The following PLCG2 variants were observed in gnomAD, a reference collection of about 807,000 sequenced individuals.
The protein encoded by PLCG2 is 1-phosphatidylinositol 4,5-bisphosphate phosphodiesterase gamma-2.
A neutral mutation model predicts 175.6 loss-of-function variants in PLCG2; 69 were observed. The observed-to-expected ratio is 0.39, with a 90% CI of 0.32 to 0.48. The LOEUF is 0.48. Among genes scored for constraint, PLCG2 ranks in the 20% least tolerant of loss-of-function variants. The pLI, the probability that PLCG2 is intolerant of heterozygous loss-of-function variation, is 0.91. For missense variants in PLCG2, 1,798 were observed against 1,650.9 expected (o/e 1.09, Z -1.54); for synonymous variants, 827 against 624.0 (o/e 1.33, Z -4.85).
intron 2 of PLCG2, among the ~76,000 whole-genome samples, chr16:81,823,229 C>T (rs992694909): frequency 2.0e-5 from 3 of 152,200 alleles, no homozygotes; most frequent in Admixed American, 1.3e-4. Context: ...TCTGGCTTCC[C>T]CGGGGCTTTA....
At chr16:81,879,836 G>C (rs1374143751) in intron 7 of PLCG2, among the ~76,000 whole-genome samples, 2 of 152,198 alleles carry the variant, frequency 1.3e-5, no homozygotes, top group Non-Finnish European at 2.9e-5. Flanking sequence ...GCCCCCCTTG[G>C]TGGAAGAGCC....
chr16:81,785,684 G>C (rs1052056036), intron 1 of PLCG2: 12 of 264,464 alleles, frequency 4.5e-5, no homozygotes, highest in African/African-American at 2.7e-4. Context: ...TGCCAGGTCA[G>C]GGTGATTTGG....
intron 24 of PLCG2, among the ~76,000 whole-genome samples, chr16:81,929,555 C>G (rs1910416311): frequency 6.6e-6 from 1 of 152,156 alleles, no homozygotes; most frequent in Admixed American, 6.5e-5. Context: ...GCCACCGTGC[C>G]TGGCTAATTT....
chr16:81,955,421 T>G (rs528460334), intron 31 of PLCG2, among the ~76,000 whole-genome samples: 1 of 152,174 alleles, frequency 6.6e-6, no homozygotes, highest in South Asian at 2.1e-4. Flanking sequence ...CTTCACAGAG[T>G]AGTCAGGGAT....
rs1471322115 is a variant in PLCG2, at chr16:81,958,208, C to T, written c.*210C>T. The T allele has an allele frequency of 1.7e-6, 1 of 575,178 alleles. No individual in the cohort carries two copies. Among genetic ancestry groups the T allele is most frequent in the Non-Finnish European group, 3.2e-6 (1 of 315,728 alleles). The allele number at this position is 575,178 out of a possible 1,614,324, so 35.6% of individuals were successfully genotyped here. ...TTGGACAACTTTCTTAACTTATATT[C>T]TTTATAGAGGATTCCCCAAAATGTG... On this transcript the variant is annotated 3_prime_UTR_variant, in exon 33 of 33. Coordinates refer to ENST00000564138, the MANE Select transcript of PLCG2 (RefSeq NM_002661.5).
rs1453041391 is a variant in PLCG2, at chr16:81,805,175, AC to A, written c.193+18996del. Among the ~76,000 whole-genome samples the A allele has an allele frequency of 6.6e-5, 10 of 152,240 alleles. 1 individual carries two copies. The highest frequency in any genetic ancestry group is 2.4e-4 in the African/African-American group (10 of 41,544). On this transcript the variant is annotated intron_variant, in intron 2 of 32. Coordinates refer to ENST00000564138, the MANE Select transcript of PLCG2 (RefSeq NM_002661.5). ...TTTATGAAACAAGAGCTGATAAAGG[AC>A]CCATATCCAAAATAGGCAACTCTTA...
Position 81,910,803 on chromosome 16 carries a change from C to G in PLCG2, c.1934+83C>G, listed in dbSNP as rs542613562. On this transcript the variant is annotated intron_variant, in intron 18 of 32. Coordinates refer to ENST00000564138, the MANE Select transcript of PLCG2 (RefSeq NM_002661.5). Reference sequence around the variant, plus strand: ...AGAGAAGCTGGCCTGGTGGTTCAGCCGGGCCAGTCCCCCAGGACACCCTCT... The same window carrying G: ...AGAGAAGCTGGCCTGGTGGTTCAGCGGGGCCAGTCCCCCAGGACACCCTCT... The G allele has an allele frequency of 2.3e-6, 3 of 1,321,050 alleles. No homozygotes were observed. The Admixed American group carries it at 5.1e-5, about 22-fold the overall frequency. 81.8% of individuals were successfully genotyped at this position (1,321,050 alleles called of 1,614,324 possible). A position where few individuals can be genotyped will look rare whatever the true frequency, so the allele number is the denominator to read the frequency against.
At position 81,923,554 on chromosome 16, in the gene PLCG2, G is replaced by A; in HGVS notation, c.2377G>A (p.Gly793Ser). The change falls in exon 22 of 33, where the codon GGT becomes AGT. Residue 793 changes from glycine (G) to serine (S), a missense_variant. Coordinates refer to ENST00000564138, the MANE Select transcript of PLCG2 (RefSeq NM_002661.5). ...KRSDELSFCR[G>S]ALIHNVSKEP... Reference sequence around the variant, plus strand: ...AAGCGATGAGCTGAGCTTCTGCCGTGGTGCCCTCATCCACAATGTCTCCAA... The same window carrying A: ...AAGCGATGAGCTGAGCTTCTGCCGTAGTGCCCTCATCCACAATGTCTCCAA... 1 of 1,613,666 alleles carries A rather than the reference G, an allele frequency of 6.2e-7. No individual in the cohort carries two copies. Among genetic ancestry groups the A allele is most frequent in the Non-Finnish European group, 8.5e-7 (1 of 1,179,680 alleles).
rs940363915 is a variant in PLCG2, at chr16:81,960,539, A to G, written c.*2541A>G. ...TGTGAGTTTGGGAAACTTAGGTTATAAAAACTAAATAAAGTTTTTCTACTG... is the reference window on the plus strand; with the variant it reads ...TGTGAGTTTGGGAAACTTAGGTTATGAAAACTAAATAAAGTTTTTCTACTG... On this transcript the variant is annotated 3_prime_UTR_variant, in exon 33 of 33. Transcript: ENST00000564138. 4.3e-6 allele frequency: 1 copy of G among 231,692 alleles called. No individual in the cohort carries two copies. The highest frequency in any genetic ancestry group is 6.1e-5 in the East Asian group (1 of 16,346). 14.4% of individuals were successfully genotyped at this position (231,692 alleles called of 1,614,324 possible).
chr16:81,740,560 C>G (rs1909567956), intron 1 of PLCG2: 1 of 151,622 alleles, frequency 6.6e-6, no homozygotes, highest in South Asian at 2.1e-4. Flanking sequence ...GGGTGAAACC[C>G]CATCTCTAAT....
At chr16:81,759,384 T>A (rs1432598128) in intron 2 of PLCG2, among the ~76,000 whole-genome samples, 1 of 152,250 alleles carries the variant, frequency 6.6e-6, no homozygotes, top group African/African-American at 2.4e-5. Flanking sequence ...ATATTTAATC[T>A]TTTTTATTTC....
At chr16:81,850,910 C>T (rs530546906) in intron 2 of PLCG2, among the ~76,000 whole-genome samples, 19 of 152,210 alleles carry the variant, frequency 1.2e-4, no homozygotes, top group African/African-American at 4.1e-4. Context: ...AGATGGGGCC[C>T]GCTTATTTTT....
chr16:81,926,963 C>G, intron 22 of PLCG2, 119 bp from the exon 23 acceptor site: 1 of 698,020 alleles, frequency 1.4e-6, no homozygotes, highest in Non-Finnish European at 2.6e-6. Flanking sequence ...ACACTGGTCA[C>G]TTGGCCACTT....
At chr16:81,793,505 C>T (rs182037993) in intron 2 of PLCG2, among the ~76,000 whole-genome samples, 6 of 152,282 alleles carry the variant, frequency 3.9e-5, no homozygotes, top group East Asian at 1.9e-4. Context: ...GGCCTGGATG[C>T]GTCCATCTCA....
At chr16:81,771,318 C>G (rs1351540071) in intron 2 of PLCG2, among the ~76,000 whole-genome samples, 1 of 152,172 alleles carries the variant, frequency 6.6e-6, no homozygotes, top group Non-Finnish European at 1.5e-5. Flanking sequence ...GCCTTAAACG[C>G]CTGTGCTCAA....
At chr16:81,861,062 C>T (rs1341801177) in intron 5 of PLCG2, among the ~76,000 whole-genome samples, 1 of 152,082 alleles carries the variant, frequency 6.6e-6, no homozygotes, top group Non-Finnish European at 1.5e-5. Context: ...AAAACCAAAA[C>T]CAAAACCAAA....
At chr16:81,786,217 C>A in intron 2 of PLCG2, 35 bp downstream of exon 2, 1 of 1,565,444 alleles carries the variant, frequency 6.4e-7, no homozygotes, top group Non-Finnish European at 8.8e-7. Flanking sequence ...TGTGGCCCGT[C>A]CTCTGGGGCC....
intron 2 of PLCG2, among the ~76,000 whole-genome samples, chr16:81,800,718 G>C (rs773338894): frequency 1.3e-5 from 2 of 152,008 alleles, no homozygotes; most frequent in African/African-American, 2.4e-5. Flanking sequence ...ATGATAGGCA[G>C]AATAAACGCT....
chr16:81,895,885 A>T lies in PLCG2; in HGVS notation c.1151A>T (p.Asp384Val), dbSNP rs752223289. The T allele has an allele frequency of 1.2e-6, 2 of 1,614,074 alleles. No homozygotes were observed. Among genetic ancestry groups the T allele is most frequent in the Admixed American group, 3.3e-5 (2 of 60,016 alleles). The change falls in exon 13 of 33, where the codon GAC becomes GTC. Residue 384 changes from aspartate (D) to valine (V), a missense_variant. Asp to Val is a radical substitution (Grantham distance 152). Coordinates refer to ENST00000564138, the MANE Select transcript of PLCG2 (RefSeq NM_002661.5). The part of the protein sequence containing the change: ...WTRTTKIKFD[D>V]VVQAIKDHAF... The stretch of plus-strand genomic sequence containing the variant: ...CGGACTACCAAGATCAAGTTTGACG[A>T]CGTCGTGCAGGCCATCAAAGACCAC...
Sources: allele counts gnomAD v4.1 joint callset (sites outside exome capture counted in the v4.1 genomes callset), GRCh38; gene constraint gnomAD v4.1.1; transcripts MANE v1.5; gene names NCBI Gene and HGNC (gene_info 2026-07-23, HGNC 2026-07-21).